The following NCOA6 variants were observed in gnomAD, a reference collection of about 807,000 sequenced individuals.
The protein encoded by NCOA6 is NRC RAP250.
A neutral mutation model predicts 171.4 loss-of-function variants in NCOA6; 49 were observed. The observed-to-expected ratio is 0.29, with a 90% CI of 0.23 to 0.36. The LOEUF (loss-of-function observed/expected upper bound fraction) is 0.36, where lower values mean the gene tolerates loss of function less well. Ranked by LOEUF, NCOA6 falls within the 10% of genes least tolerant of loss-of-function variation. The pLI, the probability that NCOA6 is intolerant of heterozygous loss-of-function variation, is 1.00. For synonymous variants in NCOA6, 910 were observed against 927.5 expected, an observed-to-expected ratio of 0.98 and a Z score of 0.34; for missense variants, 2,248 against 2,554.5, an observed-to-expected ratio of 0.88 and a Z score of 2.59.
chr20:34,741,147 A>T lies in NCOA6; in HGVS notation c.5109T>A (p.Pro1703=), dbSNP rs200880705. 296 of 1,614,224 alleles carry T rather than the reference A, an allele frequency of 1.8e-4. 3 individuals carry two copies. In the South Asian group the frequency reaches 3.0e-3, roughly 16 times the overall value. ...GAGCAGAAGAAAATTTTATGTTCTG[A>T]GGTATGTGTAAAGGGCCAACAACTG... ...SVAVVGPLHI[P]QNIKFSSAPV... is the part of the protein sequence containing the mutation. Residue 1703 remains proline (P), a synonymous_variant, in exon 11 of 15, where the codon CCT becomes CCA. Coordinates refer to ENST00000359003, the MANE Select transcript of NCOA6 (RefSeq NM_014071.5).
chr20:34,735,823 T>C lies in NCOA6; in HGVS notation c.5962+867A>G, dbSNP rs1170270381. 5.9e-5 allele frequency among the ~76,000 whole-genome samples: 9 copies of C among 152,248 alleles called. No individual in the cohort carries two copies. The East Asian group carries it at 1.5e-3, about 26-fold the overall frequency. On this transcript the variant is annotated intron_variant, in intron 12 of 14. Transcript: ENST00000359003. ...AAATAATCACAAACTATACCTTACT[T>C]TTACTGGCTCAGATTCACAAAATTA...
chr20:34,782,486 ATAATT>A (rs2077539315), intron 2 of NCOA6, 82 bp from the exon 3 acceptor site: 2 of 358,920 alleles, frequency 5.6e-6, no homozygotes, highest in Non-Finnish European at 9.8e-6. Context: ...TATGAAAATT[ATAATT>A]TATTTAATAA....
At chr20:34,784,370 G>A (rs1312306173) in intron 2 of NCOA6, among the ~76,000 whole-genome samples, 4 of 151,850 alleles carry the variant, frequency 2.6e-5, no homozygotes, top group South Asian at 2.1e-4. Flanking sequence ...GGTTACAGGC[G>A]TGTACCACCG....
At chr20:34,771,338 T>G (rs2077144766) in intron 4 of NCOA6, among the ~76,000 whole-genome samples, 1 of 152,124 alleles carries the variant, frequency 6.6e-6, no homozygotes, top group Non-Finnish European at 1.5e-5. Flanking sequence ...ATCACTATAT[T>G]GCTCAGGCTG....
At chr20:34,820,674 GGC>G (rs1395698927) in intron 1 of NCOA6, 2 of 151,502 alleles carry the variant, frequency 1.3e-5, no homozygotes, top group Non-Finnish European at 2.9e-5. Flanking sequence ...GGGAGGCTGA[GGC>G]AAGAGAATCA....
Position 34,757,880 on chromosome 20 carries a change from G to A in NCOA6, c.868C>T (p.Pro290Ser). 1.9e-6 allele frequency: 3 copies of A among 1,614,124 alleles called. No homozygotes were observed. The highest frequency in any genetic ancestry group is 2.5e-6 in the Non-Finnish European group (3 of 1,180,036). The change falls in exon 7 of 15, where the codon CCC becomes TCC. Residue 290 changes from proline (P) to serine (S), a missense_variant. Around this residue, in one of 7 missense-constraint regions of NCOA6, gnomAD observed 987 missense variants for 1,104.7 expected, o/e 0.89. Transcript: ENST00000359003. Reference sequence around the variant, plus strand: ...TGTTGCTGCTGATGTTGCTGTGGGGGTCTTGCCTGCAACTGTTGTTGCTGC... The same window carrying A: ...TGTTGCTGCTGATGTTGCTGTGGGGATCTTGCCTGCAACTGTTGTTGCTGC... ...QQQQQQLQAR[P>S]PQQHQQQQPQ...
intron 10 of NCOA6, among the ~76,000 whole-genome samples, chr20:34,743,711 C>G (rs1224407027): frequency 6.6e-6 from 1 of 152,144 alleles, no homozygotes; most frequent in Non-Finnish European, 1.5e-5. Flanking sequence ...CCTGGCCACC[C>G]AAGATTCAGG....
chr20:34,719,402 C>G (rs186913435), intron 14 of NCOA6, among the ~76,000 whole-genome samples: 1 of 152,076 alleles, frequency 6.6e-6, no homozygotes, highest in East Asian at 1.9e-4. Context: ...TAGCAGAGGT[C>G]GGCAGATCAC....
intron 7 of NCOA6, among the ~76,000 whole-genome samples, chr20:34,756,328 G>C (rs2076640263): frequency 6.6e-6 from 1 of 152,218 alleles, no homozygotes; most frequent in African/African-American, 2.4e-5. Flanking sequence ...AAAGGCTGAT[G>C]AGCAACTTAA....
chr20:34,736,787 C>T, intron 11 of NCOA6, 29 bp from the exon 12 acceptor site: 1 of 1,560,310 alleles, frequency 6.4e-7, no homozygotes, highest in South Asian at 1.2e-5. Context: ...AATTACAGAC[C>T]TTTTACTTTC....
intron 5 of NCOA6, among the ~76,000 whole-genome samples, chr20:34,764,105 T>C (rs2076900785): frequency 1.3e-5 from 2 of 150,412 alleles, no homozygotes; most frequent in South Asian, 4.2e-4. Flanking sequence ...TTTTGTTTTT[T>C]GAGAGGGAGT....
In NCOA6 at chr20:34,790,074, T is replaced by G. The variant is rs937739009; in HGVS notation, c.-50+2376A>C. Among the ~76,000 whole-genome samples, 5 of 138,404 alleles carry G rather than the reference T, an allele frequency of 3.6e-5. No homozygotes were observed. The Admixed American group carries it at 3.6e-4, about 10-fold the overall frequency. 90.8% of individuals were successfully genotyped at this position (138,404 alleles called of 152,430 possible). A position where few individuals can be genotyped will look rare whatever the true frequency, so the allele number is the denominator to read the frequency against. ...ACGTGGCAAATCCCATTTCTACTAT[T>G]AAAAAAAAAAAAAAAAATTAAGAAT... On this transcript the variant is annotated intron_variant, in intron 2 of 14. Coordinates refer to ENST00000359003, the MANE Select transcript of NCOA6 (RefSeq NM_014071.5).
intron 14 of NCOA6, among the ~76,000 whole-genome samples, chr20:34,723,035 A>C (rs1179477388): frequency 6.6e-6 from 1 of 152,196 alleles, no homozygotes. Flanking sequence ...AAAAAACGAA[A>C]GAAAAAGCTG....
chr20:34,785,370 G>A (rs1006336342), intron 2 of NCOA6, among the ~76,000 whole-genome samples: 9 of 151,186 alleles, frequency 6.0e-5, no homozygotes, highest in African/African-American at 2.2e-4. Context: ...AGAGGCAGGA[G>A]TGCTGTTTGA....
In NCOA6 at chr20:34,749,399, C is replaced by T. The variant is rs1245981774; in HGVS notation, c.2792+4G>A. 4 of 1,586,646 alleles carry T rather than the reference C, an allele frequency of 2.5e-6. No individual in the cohort carries two copies. The highest frequency in any genetic ancestry group is 3.4e-6 in the Non-Finnish European group (4 of 1,165,314). On this transcript the variant is annotated splice_donor_region_variant and intron_variant, in intron 9 of 14. Transcript: ENST00000359003. ...AAATTTGAGGCAAAACCATCACAAC[C>T]TACTTTAGATCTTGCTGACTATTTT...
At chr20:34,788,067 G>T (rs911975752) in intron 2 of NCOA6, among the ~76,000 whole-genome samples, 1 of 152,058 alleles carries the variant, frequency 6.6e-6, no homozygotes, top group Non-Finnish European at 1.5e-5. Flanking sequence ...GAGTTTCACC[G>T]TGTTGCCCAG....
intron 14 of NCOA6, among the ~76,000 whole-genome samples, chr20:34,725,044 C>T (rs1471155030): frequency 6.6e-6 from 1 of 152,210 alleles, no homozygotes; most frequent in African/African-American, 2.4e-5. Flanking sequence ...CTGCCTCGGC[C>T]TCCCAAAGTG....
At chr20:34,798,434 T>C (rs1199584780) in intron 1 of NCOA6, among the ~76,000 whole-genome samples, 1 of 152,198 alleles carries the variant, frequency 6.6e-6, no homozygotes, top group African/African-American at 2.4e-5. Flanking sequence ...GCTTTGCCAC[T>C]TGCTGACTGT....
At chr20:34,768,076 C>G (rs1488736277) in intron 5 of NCOA6, among the ~76,000 whole-genome samples, 3 of 152,188 alleles carry the variant, frequency 2.0e-5, no homozygotes, top group African/African-American at 4.8e-5. Context: ...CACACAAGAA[C>G]TCAATTCACA....
Sources: allele counts gnomAD v4.1 joint callset (sites outside exome capture counted in the v4.1 genomes callset), GRCh38; gene constraint gnomAD v4.1.1; regional missense constraint gnomAD v4.1.1; transcripts MANE v1.5; gene names NCBI Gene and HGNC (gene_info 2026-07-23, HGNC 2026-07-21).